Variants in SYNDIG1 observed in about 807,000 individuals in gnomAD.
The protein encoded by SYNDIG1 is synapse differentiation inducing 1.
In SYNDIG1, 9 loss-of-function variants were observed where a neutral mutation model predicts 19.4. The ratio of observed to expected loss-of-function variants is 0.46; its 90% CI spans 0.28 to 0.81. SYNDIG1 has a LOEUF of 0.81. SYNDIG1 is among the 30% of genes least tolerant of loss of function. SYNDIG1 has a pLI of 0.12. For missense variants in SYNDIG1, 311 were observed against 343.3 expected (o/e 0.91, Z 0.74); for synonymous variants, 141 against 145.9 (o/e 0.97, Z 0.24).
intron 1 of SYNDIG1, among the ~76,000 whole-genome samples, chr20:24,537,289 A>G (rs1176464741): frequency 2.0e-5 from 3 of 152,250 alleles, no homozygotes; most frequent in South Asian, 2.1e-4. Flanking sequence ...AGAGGATTCT[A>G]TAATGAATCA....
At chr20:24,475,116 T>G (rs2055580524) in intron 1 of SYNDIG1, among the ~76,000 whole-genome samples, 1 of 152,130 alleles carries the variant, frequency 6.6e-6, no homozygotes, top group South Asian at 2.1e-4. Flanking sequence ...CTTCCTCCTA[T>G]GATCTTGGTC....
intron 3 of SYNDIG1, among the ~76,000 whole-genome samples, chr20:24,594,007 C>A (rs1489833063): frequency 3.9e-5 from 6 of 152,134 alleles, no homozygotes; most frequent in African/African-American, 1.4e-4. Flanking sequence ...TGGAACATTT[C>A]TTTTGCTGTG....
intron 3 of SYNDIG1, among the ~76,000 whole-genome samples, chr20:24,592,132 T>C (rs1396709647): frequency 6.6e-6 from 1 of 152,200 alleles, no homozygotes; most frequent in African/African-American, 2.4e-5. Flanking sequence ...GAATTTAATG[T>C]TCTGTAGCAG....
At chr20:24,563,721 C>T (rs971425369) in intron 2 of SYNDIG1, among the ~76,000 whole-genome samples, 1 of 152,222 alleles carries the variant, frequency 6.6e-6, no homozygotes, top group Admixed American at 6.5e-5. Context: ...CCCACCACAA[C>T]CTCCTGAGTA....
At chr20:24,623,263 G>T (rs902298718) in intron 3 of SYNDIG1, among the ~76,000 whole-genome samples, 2 of 151,740 alleles carry the variant, frequency 1.3e-5, no homozygotes, top group Non-Finnish European at 2.9e-5. Context: ...AACAAATAAA[G>T]AAAAAATACT....
At chr20:24,515,150 C>G (rs2056834385) in intron 1 of SYNDIG1, among the ~76,000 whole-genome samples, 1 of 152,132 alleles carries the variant, frequency 6.6e-6, no homozygotes, top group African/African-American at 2.4e-5. Context: ...ATTTATAGCA[C>G]TAAATGCCCA....
chr20:24,488,227 G>A (rs1357070040), intron 1 of SYNDIG1, among the ~76,000 whole-genome samples: 3 of 152,250 alleles, frequency 2.0e-5, no homozygotes, highest in African/African-American at 7.2e-5. Flanking sequence ...TGCTCCTGCA[G>A]AGAGGAAGTG....
intron 2 of SYNDIG1, among the ~76,000 whole-genome samples, chr20:24,545,744 A>C (rs1300796414): frequency 6.6e-6 from 1 of 152,190 alleles, no homozygotes; most frequent in African/African-American, 2.4e-5. Flanking sequence ...AACCTTTCCC[A>C]CCCAGTCCTG....
At chr20:24,622,416 C>T (rs912385384) in intron 3 of SYNDIG1, among the ~76,000 whole-genome samples, 7 of 152,206 alleles carry the variant, frequency 4.6e-5, no homozygotes, top group African/African-American at 1.7e-4. Flanking sequence ...CTCCAACCTC[C>T]AGGCCACAGA....
chr20:24,644,522 C>T (rs957602619), intron 3 of SYNDIG1, among the ~76,000 whole-genome samples: 1 of 152,176 alleles, frequency 6.6e-6, no homozygotes, highest in Admixed American at 6.5e-5. Flanking sequence ...ATCATTGAGG[C>T]CTTGTTGCTT....
chr20:24,547,981 C>T (rs770171161), intron 2 of SYNDIG1, among the ~76,000 whole-genome samples: 22 of 152,172 alleles, frequency 1.4e-4, no homozygotes, highest in Admixed American at 5.2e-4. Flanking sequence ...CACCTAGAAG[C>T]GGTGCCCATG....
chr20:24,517,779 A>G lies in SYNDIG1; in HGVS notation c.-78-25241A>G, dbSNP rs910792918. Among the ~76,000 whole-genome samples the G allele has an allele frequency of 7.5e-5, 11 of 146,338 alleles. No homozygotes were observed. In the East Asian group the frequency reaches 2.0e-3, roughly 26 times the overall value. Reference sequence around the variant, plus strand: ...TGTGTGTATATATATATATACATACACACATTTTTTTTGAAAAAATATTTT... The same window carrying G: ...TGTGTGTATATATATATATACATACGCACATTTTTTTTGAAAAAATATTTT... On this transcript the variant is annotated intron_variant, in intron 1 of 3. Transcript: ENST00000376862.
At chr20:24,562,661 G>T (rs2057969146) in intron 2 of SYNDIG1, among the ~76,000 whole-genome samples, 1 of 152,162 alleles carries the variant, frequency 6.6e-6, no homozygotes, top group East Asian at 1.9e-4. Context: ...GAAAAGGGGT[G>T]CTGGCATCTA....
At chr20:24,477,362 A>T (rs2055662800) in intron 1 of SYNDIG1, among the ~76,000 whole-genome samples, 1 of 151,520 alleles carries the variant, frequency 6.6e-6, no homozygotes, top group Admixed American at 6.6e-5. Context: ...TTACCAGAGC[A>T]GGGCCACATG....
Position 24,477,856 on chromosome 20 carries a change from T to C in SYNDIG1, c.-79+8103T>C, listed in dbSNP as rs182859134. Among the ~76,000 whole-genome samples, 3 of 152,260 alleles carry C rather than the reference T, an allele frequency of 2.0e-5. No homozygotes were observed. The East Asian group carries it at 5.8e-4, about 29-fold the overall frequency. ...GGAAAGCCCAGCATTGGCCAAAGAA[T>C]AGACCTCAGTCACTAGCACTTCTAC... On this transcript the variant is annotated intron_variant, in intron 1 of 3. Coordinates refer to ENST00000376862, the MANE Select transcript of SYNDIG1 (RefSeq NM_024893.3).
chr20:24,590,831 G>T (rs1600699646), intron 3 of SYNDIG1, among the ~76,000 whole-genome samples: 1 of 152,276 alleles, frequency 6.6e-6, no homozygotes, highest in East Asian at 1.9e-4. Context: ...GCGGTGATGA[G>T]GGGCCCGTGG....
At chr20:24,485,863 A>G (rs911614280) in intron 1 of SYNDIG1, among the ~76,000 whole-genome samples, 3 of 152,166 alleles carry the variant, frequency 2.0e-5, no homozygotes, top group African/African-American at 7.2e-5. Context: ...GATGGCTGCT[A>G]CTGCCCCCGA....
chr20:24,518,387 G>A (rs555591399), intron 1 of SYNDIG1, among the ~76,000 whole-genome samples: 1 of 152,244 alleles, frequency 6.6e-6, no homozygotes, highest in African/African-American at 2.4e-5. Flanking sequence ...GGCTGGGACT[G>A]CCACTGTGAG....
At chr20:24,473,111 A>G (rs74951562) in intron 1 of SYNDIG1, among the ~76,000 whole-genome samples, 1,637 of 151,714 alleles carry the variant, frequency 0.011, 27 homozygotes, top group African/African-American at 0.036. Context: ...ATGTCACATT[A>G]TCAGCAAAAT....
Sources: allele counts gnomAD v4.1 joint callset (sites outside exome capture counted in the v4.1 genomes callset), GRCh38; gene constraint gnomAD v4.1.1; transcripts MANE v1.5; gene names NCBI Gene and HGNC (gene_info 2026-07-23, HGNC 2026-07-21).